Variants in KDM8 observed in about 807,000 individuals in gnomAD.
KDM8 encodes the protein bifunctional peptidase and arginyl-hydroxylase JMJD5.
KDM8 carries 35 observed loss-of-function variants against 46.9 expected under a neutral mutation model. The ratio of observed to expected loss-of-function variants is 0.75; its 90% CI spans 0.57 to 0.99. KDM8 has a LOEUF of 0.99. Ranked by LOEUF, KDM8 falls within the 50% of genes least tolerant of loss-of-function variation. The pLI, the probability that KDM8 is intolerant of heterozygous loss-of-function variation, is 0.00. For synonymous variants in KDM8, 232 were observed against 227.7 expected (o/e 1.02, Z -0.17); for missense variants, 475 against 537.0 (o/e 0.88, Z 1.14).
chr16:27,219,975 G>A (rs570342366), intron 6 of KDM8, among the ~76,000 whole-genome samples: 1 of 152,336 alleles, frequency 6.6e-6, no homozygotes, highest in African/African-American at 2.4e-5. Context: ...AGCACTTTGG[G>A]AGACCGAGTC....
chr16:27,215,158 C>G, intron 4 of KDM8, 150 bp downstream of exon 4: 1 of 843,574 alleles, frequency 1.2e-6, no homozygotes, highest in Non-Finnish European at 1.9e-6. Flanking sequence ...GCGAGGAAGG[C>G]AGGCTGCTTA....
Position 27,220,835 on chromosome 16 carries a change from C to A in KDM8, c.*105C>A. ...AGACAAGCAGGACTGAACCTGTGTC[C>A]TGAAGAGCCTTCACTGCCCAGTGGC... On this transcript the variant is annotated 3_prime_UTR_variant, in exon 8 of 8. Coordinates refer to ENST00000286096, the MANE Select transcript of KDM8 (RefSeq NM_024773.3). 2 of 1,379,752 alleles carry A rather than the reference C, an allele frequency of 1.4e-6. No homozygotes were observed. The highest frequency in any genetic ancestry group is 2.1e-6 in the Non-Finnish European group (2 of 972,790). The allele number at this position is 1,379,752 out of a possible 1,614,324, so 85.5% of individuals were successfully genotyped here.
Position 27,203,656 on chromosome 16 carries a change from G to A in KDM8, c.-32+20G>A, listed in dbSNP as rs2083395734. 1 of 163,072 alleles carries A rather than the reference G, an allele frequency of 6.1e-6. No individual in the cohort carries two copies. The highest frequency in any genetic ancestry group is 2.4e-5 in the African/African-American group (1 of 41,806). 10.1% of individuals were successfully genotyped at this position (163,072 alleles called of 1,614,324 possible). The stretch of plus-strand genomic sequence containing the variant: ...AGAGAGGTTAGTCTGAGCAACTCGA[G>A]AGCGGAGTCAGCTCCAGTTCCTCAG... On this transcript the variant is annotated intron_variant, in intron 1 of 7. Coordinates refer to ENST00000286096, the MANE Select transcript of KDM8 (RefSeq NM_024773.3).
intron 1 of KDM8, among the ~76,000 whole-genome samples, chr16:27,209,150 AG>A (rs1318116770): frequency 2.0e-5 from 3 of 152,250 alleles, no homozygotes; most frequent in African/African-American, 7.2e-5. Flanking sequence ...CGCACAGGAG[AG>A]GGTGCTGAGA....
chr16:27,219,896 A>T (rs1219208368), intron 6 of KDM8, among the ~76,000 whole-genome samples: 1 of 152,196 alleles, frequency 6.6e-6, no homozygotes, highest in Non-Finnish European at 1.5e-5. Context: ...AAATGAAGTT[A>T]TTTTTCAAAA....
At chr16:27,211,022 T>G (rs2083478067) in intron 2 of KDM8, 1 of 396,572 alleles carries the variant, frequency 2.5e-6, no homozygotes, top group Non-Finnish European at 5.0e-6. Flanking sequence ...AAAGCAGTCC[T>G]CCTGTCGTGG....
intron 2 of KDM8, chr16:27,211,440 G>A (rs2083484217): frequency 3.3e-6 from 1 of 301,530 alleles, no homozygotes; most frequent in East Asian, 8.5e-5. Flanking sequence ...ACAGAGCATG[G>A]TTTACTCTGA....
rs776796691 is a variant in KDM8, at chr16:27,220,783, T to C, written c.*53T>C. Reference sequence around the variant, plus strand: ...ATGCAGACAGCATTCATCTGTTCACTAATTTCCTGGGTCCTGGAATCTATA... The same window carrying C: ...ATGCAGACAGCATTCATCTGTTCACCAATTTCCTGGGTCCTGGAATCTATA... On this transcript the variant is annotated 3_prime_UTR_variant, in exon 8 of 8. Coordinates refer to ENST00000286096, the MANE Select transcript of KDM8 (RefSeq NM_024773.3). 1.9e-6 allele frequency: 3 copies of C among 1,594,142 alleles called. No individual in the cohort carries two copies. The Admixed American group carries it at 5.0e-5, about 27-fold the overall frequency.
chr16:27,212,491 T>A (rs1377453157), intron 2 of KDM8, among the ~76,000 whole-genome samples: 4 of 152,168 alleles, frequency 2.6e-5, no homozygotes, highest in Non-Finnish European at 5.9e-5. Context: ...CCCAGCACTT[T>A]GGGAGGCTGA....
intron 2 of KDM8, among the ~76,000 whole-genome samples, chr16:27,212,817 G>A (rs886848487): frequency 4.6e-5 from 7 of 152,142 alleles, no homozygotes; most frequent in Non-Finnish European, 8.8e-5. Context: ...TCAGCTTCCC[G>A]AGTGGCTGGG....
At chr16:27,209,005 C>G (rs561770796) in intron 1 of KDM8, among the ~76,000 whole-genome samples, 67 of 152,342 alleles carry the variant, frequency 4.4e-4, no homozygotes, top group African/African-American at 1.5e-3. Context: ...GTGTTCTGGG[C>G]AGACACTGCC....
At chr16:27,210,942 CTTAT>C (rs1365719127) in intron 2 of KDM8, among the ~76,000 whole-genome samples, 1 of 152,008 alleles carries the variant, frequency 6.6e-6, no homozygotes, top group Non-Finnish European at 1.5e-5. Flanking sequence ...TTTTTAGTTT[CTTAT>C]TTATTTTTTA....
rs78267145 is a variant in KDM8 at position 27,220,351 on chromosome 16, G to A, written c.994-42G>A. The A allele has an allele frequency of 1.7e-3, 2,593 of 1,565,286 alleles. 40 individuals carry two copies. In the East Asian group the frequency reaches 0.027, roughly 16 times the overall value. ...GCCAGAGTGGGCTTGGGGCAGCAGT[G>A]GAGTGAGGCCACCAGCTGACTGTCA... On this transcript the variant is annotated intron_variant, in intron 6 of 7. Coordinates refer to ENST00000286096, the MANE Select transcript of KDM8 (RefSeq NM_024773.3).
chr16:27,217,187 C>T (rs569379040), intron 5 of KDM8, among the ~76,000 whole-genome samples: 1 of 152,192 alleles, frequency 6.6e-6, no homozygotes. Context: ...CTAGAACCTT[C>T]TCTACCTACA....
chr16:27,215,907 G>A (rs889043965), intron 4 of KDM8, 38 bp from the exon 5 acceptor site: 1 of 1,612,112 alleles, frequency 6.2e-7, no homozygotes, highest in Non-Finnish European at 8.5e-7. Context: ...GACTAACTGG[G>A]CTTTCTGTGT....
chr16:27,220,500 T>C lies in KDM8; in HGVS notation c.1086+15T>C. 1 of 1,613,610 alleles carries C rather than the reference T, an allele frequency of 6.2e-7. No individual in the cohort carries two copies. The highest frequency in any genetic ancestry group is 8.5e-7 in the Non-Finnish European group (1 of 1,179,738). On this transcript the variant is annotated intron_variant, in intron 7 of 7. Coordinates refer to ENST00000286096, the MANE Select transcript of KDM8 (RefSeq NM_024773.3). ...ACACGAGCCAGGTGGGCACTGGGGGTCTGGGGTGACGTTGCAGGTTCTCCC... is the reference window on the plus strand; with the variant it reads ...ACACGAGCCAGGTGGGCACTGGGGGCCTGGGGTGACGTTGCAGGTTCTCCC...
At position 27,209,563 on chromosome 16, in the gene KDM8, A is replaced by T. The variant is rs376332502; in HGVS notation, c.-31-530A>T. Reference sequence around the variant, plus strand: ...TTTCAAAGCCTGGCACTCCTGAGTGACTGCCATGAGGCAGACTCTGCTTTT... The same window carrying T: ...TTTCAAAGCCTGGCACTCCTGAGTGTCTGCCATGAGGCAGACTCTGCTTTT... On this transcript the variant is annotated intron_variant, in intron 1 of 7. Coordinates refer to ENST00000286096, the MANE Select transcript of KDM8 (RefSeq NM_024773.3). Among the ~76,000 whole-genome samples the T allele has an allele frequency of 1.2e-3, 181 of 152,320 alleles. 6 individuals carry two copies. The South Asian group carries it at 0.036, about 30-fold the overall frequency.
chr16:27,207,707 A>C (rs2083441047), intron 1 of KDM8, among the ~76,000 whole-genome samples: 1 of 152,206 alleles, frequency 6.6e-6, no homozygotes, highest in South Asian at 2.1e-4. Context: ...CAGCTCCCGG[A>C]GTAGCTGGGG....
In KDM8 at chr16:27,210,096, C is replaced by T. The variant is rs779298438; in HGVS notation, c.-28C>T. The T allele has an allele frequency of 2.8e-5, 44 of 1,598,420 alleles. No individual in the cohort carries two copies. The highest frequency in any genetic ancestry group is 3.2e-5 in the Non-Finnish European group (38 of 1,171,800). ...TTGTTTCTCTCCACCTCCCCAGGCA[C>T]GGGACTGAACCAGCTGGTGGTGGCC... On this transcript the variant is annotated 5_prime_UTR_variant, in exon 2 of 8. The change creates a new upstream start codon in the 5' untranslated region. Coordinates refer to ENST00000286096, the MANE Select transcript of KDM8 (RefSeq NM_024773.3).
Sources: allele counts gnomAD v4.1 joint callset (sites outside exome capture counted in the v4.1 genomes callset), GRCh38; gene constraint gnomAD v4.1.1; transcripts MANE v1.5; gene names NCBI Gene and HGNC (gene_info 2026-07-23, HGNC 2026-07-21).